Variants in UBE2D2 observed in about 807,000 individuals in gnomAD.
UBE2D2 encodes ubiquitin-conjugating enzyme E2 D2.
A neutral mutation model predicts 24.2 loss-of-function variants in UBE2D2; 2 were observed. That is an observed-to-expected ratio of 0.08 (90% confidence interval 0.03 to 0.26). UBE2D2 has a LOEUF of 0.26. Among genes scored for constraint, UBE2D2 ranks in the 10% least tolerant of loss-of-function variants. The probability of loss-of-function intolerance (pLI) is 1.00; values close to 1 mark genes in which losing one functional copy is unlikely to be tolerated. For missense variants in UBE2D2, 44 were observed against 177.6 expected, an observed-to-expected ratio of 0.25 and a Z score of 4.28; for synonymous variants, 58 against 56.5, an observed-to-expected ratio of 1.03 and a Z score of -0.12.
chr5:139,580,119 G>C (rs1753563418), intron 1 of UBE2D2, among the ~76,000 whole-genome samples: 1 of 151,602 alleles, frequency 6.6e-6, no homozygotes, highest in Admixed American at 6.6e-5. Flanking sequence ...TTGAGACAGA[G>C]TCTCACTCTT....
At chr5:139,562,072 C>G in intron 1 of UBE2D2, 1 of 864,924 alleles carries the variant, frequency 1.2e-6, no homozygotes, top group Non-Finnish European at 1.7e-6. Flanking sequence ...ATGGTGTGGA[C>G]TCTTAGGGCT....
intron 2 of UBE2D2, chr5:139,611,965 T>G (rs1754329766): frequency 6.6e-6 from 1 of 150,728 alleles, no homozygotes; most frequent in Non-Finnish European, 1.5e-5. Flanking sequence ...ATAATTGTTT[T>G]TTTTTTTTTT....
chr5:139,599,868 A>G (rs1440624765), intron 1 of UBE2D2, among the ~76,000 whole-genome samples: 3 of 151,648 alleles, frequency 2.0e-5, no homozygotes, highest in African/African-American at 4.8e-5. Context: ...CAGTGGTGCA[A>G]TCTTGGCTTA....
At chr5:139,570,403 C>T (rs1459420137) in intron 1 of UBE2D2, among the ~76,000 whole-genome samples, 10 of 151,970 alleles carry the variant, frequency 6.6e-5, no homozygotes, top group African/African-American at 1.7e-4. Context: ...TGCAGTTGTG[C>T]AATCTCGGCT....
intron 2 of UBE2D2, among the ~76,000 whole-genome samples, chr5:139,610,131 C>T (rs750756371): frequency 6.6e-6 from 1 of 152,016 alleles, no homozygotes; most frequent in East Asian, 1.9e-4. Flanking sequence ...AGGAACAGTA[C>T]AGAGACAGAC....
intron 1 of UBE2D2, among the ~76,000 whole-genome samples, chr5:139,543,927 C>T (rs1233634519): frequency 3.9e-5 from 6 of 152,128 alleles, no homozygotes; most frequent in Non-Finnish European, 5.9e-5. Flanking sequence ...CCATTGAAGG[C>T]AGCAGGAATG....
At chr5:139,611,933 A>G (rs1581529101) in intron 2 of UBE2D2, 1 of 151,802 alleles carries the variant, frequency 6.6e-6, no homozygotes. Context: ...ACAGAGAACT[A>G]TCAATAACAG....
chr5:139,581,519 A>T (rs1295569616), intron 1 of UBE2D2, among the ~76,000 whole-genome samples: 3 of 152,012 alleles, frequency 2.0e-5, no homozygotes, highest in Non-Finnish European at 4.4e-5. Context: ...CAGATTTTGA[A>T]TTTTTTCGGA....
At chr5:139,623,717 G>A in intron 6 of UBE2D2, 1 of 291,082 alleles carries the variant, frequency 3.4e-6, no homozygotes, top group South Asian at 7.1e-5. Context: ...TTTGAGACAG[G>A]GTCTTACTCT....
At chr5:139,617,856 G>T (rs1754447306) in intron 5 of UBE2D2, among the ~76,000 whole-genome samples, 1 of 152,072 alleles carries the variant, frequency 6.6e-6, no homozygotes, top group Admixed American at 6.5e-5. Flanking sequence ...CAGTTAACTG[G>T]TTCCTTGTAA....
In UBE2D2 at chr5:139,610,534, C is replaced by T. The variant is rs531171729; in HGVS notation, c.89-4052C>T. On this transcript the variant is annotated intron_variant, in intron 2 of 6. Transcript: ENST00000398733. Reference sequence around the variant, plus strand: ...CAGCCTGGGCAACAGAGCGAGACTCCGTCTCAAAAAAAAAATATATTTTTT... The same window carrying T: ...CAGCCTGGGCAACAGAGCGAGACTCTGTCTCAAAAAAAAAATATATTTTTT... 7.2e-4 allele frequency among the ~76,000 whole-genome samples: 108 copies of T among 150,464 alleles called. 1 individual carries two copies. The highest frequency in any genetic ancestry group is 1.6e-4 in the Non-Finnish European group (11 of 67,788).
At chr5:139,561,314 G>T (rs554774328), upstream of UBE2D2, 558 of 152,642 alleles carry the variant, frequency 3.7e-3, 4 homozygotes, top group African/African-American at 0.013. Flanking sequence ...CCTGCCCCTC[G>T]GTCGGGCCCA....
At chr5:139,608,495 C>G (rs1410521143) in intron 2 of UBE2D2, among the ~76,000 whole-genome samples, 1 of 152,010 alleles carries the variant, frequency 6.6e-6, no homozygotes, top group African/African-American at 2.4e-5. Context: ...TGGCTCATGC[C>G]TATATTCCCA....
intron 1 of UBE2D2, among the ~76,000 whole-genome samples, chr5:139,581,757 C>T (rs2126665995): frequency 6.6e-6 from 1 of 151,870 alleles, no homozygotes; most frequent in Non-Finnish European, 1.5e-5. Flanking sequence ...CAACCTCTGC[C>T]TCCCGAGTTC....
chr5:139,553,890 G>A (rs566680725), intron 1 of UBE2D2, among the ~76,000 whole-genome samples: 2 of 151,868 alleles, frequency 1.3e-5, no homozygotes, highest in Admixed American at 1.3e-4. Context: ...AGCGATTCTC[G>A]TGCCTCAGCC....
chr5:139,557,145 T>C (rs1752990792), upstream of UBE2D2, among the ~76,000 whole-genome samples: 1 of 150,020 alleles, frequency 6.7e-6, no homozygotes, highest in South Asian at 2.1e-4. Flanking sequence ...CTTTTATTTC[T>C]TTTTTGAGAC....
intron 1 of UBE2D2, 37 bp downstream of exon 1, chr5:139,561,852 T>G: frequency 6.8e-7 from 1 of 1,464,882 alleles, no homozygotes; most frequent in South Asian, 1.4e-5. Context: ...GCTGGCCAGC[T>G]GAGCAGGCTG....
chr5:139,620,044 A>C (rs1754485989), intron 5 of UBE2D2, among the ~76,000 whole-genome samples: 1 of 152,030 alleles, frequency 6.6e-6, no homozygotes, highest in Admixed American at 6.6e-5. Context: ...ACACACTGTT[A>C]AACAGCCAGA....
At chr5:139,568,580 C>T (rs1004694689) in intron 1 of UBE2D2, among the ~76,000 whole-genome samples, 6 of 152,106 alleles carry the variant, frequency 3.9e-5, no homozygotes, top group African/African-American at 1.4e-4. Context: ...ATGGCGTGAA[C>T]CGGGAGGCAG....
Sources: gnomAD v4.1 joint callset for allele counts (sites outside exome capture counted in the v4.1 genomes callset) on GRCh38, gnomAD v4.1.1 for gene constraint, MANE v1.5 for transcripts, NCBI Gene and HGNC (gene_info 2026-07-23, HGNC 2026-07-21) for gene names.